Variants in MS4A4A observed in about 807,000 individuals in gnomAD.
MS4A4A encodes the protein membrane spanning 4-domains A4A.
MS4A4A carries 26 observed loss-of-function variants against 28.0 expected under a neutral mutation model. The observed-to-expected ratio is 0.93, with a 90% CI of 0.68 to 1.29. The LOEUF (loss-of-function observed/expected upper bound fraction) is 1.29, where lower values mean the gene tolerates loss of function less well. Ranked by LOEUF, MS4A4A falls within the 50% of genes most tolerant of loss-of-function variation. The pLI, the probability that MS4A4A is intolerant of heterozygous loss-of-function variation, is 0.00. For synonymous variants in MS4A4A, 86 were observed against 100.8 expected, an observed-to-expected ratio of 0.85 and a Z score of 0.88; for missense variants, 290 against 293.1, an observed-to-expected ratio of 0.99 and a Z score of 0.08.
intron 1 of MS4A4A, 99 bp downstream of exon 1, chr11:60,280,815 G>C: frequency 7.1e-7 from 1 of 1,409,396 alleles, no homozygotes; most frequent in Non-Finnish European, 9.9e-7. Flanking sequence ...GAATAATGAG[G>C]CCACTTCCCA....
intron 3 of MS4A4A, among the ~76,000 whole-genome samples, chr11:60,297,833 G>A (rs2084919727): frequency 6.6e-6 from 1 of 152,158 alleles, no homozygotes; most frequent in African/African-American, 2.4e-5. Context: ...TAGCTGGGAG[G>A]AGTCTACCCT....
intron 2 of MS4A4A, among the ~76,000 whole-genome samples, chr11:60,293,530 A>C (rs1490882822): frequency 6.6e-6 from 1 of 152,170 alleles, no homozygotes; most frequent in African/African-American, 2.4e-5. Context: ...CATCATTACT[A>C]AAAGTACACA....
intron 1 of MS4A4A, among the ~76,000 whole-genome samples, chr11:60,289,418 G>A (rs2084831339): frequency 6.6e-6 from 1 of 152,166 alleles, no homozygotes; most frequent in Non-Finnish European, 1.5e-5. Context: ...CTAACTGGGG[G>A]AAGGGGTGGT....
rs545401654 is a variant in MS4A4A at position 60,304,231 on chromosome 11, G to A, written c.546+1514G>A. ...TTCTCTTCATTGGTAGATTTTAAGG[G>A]CACAATGATAGAGACAAAATCTGGA... On this transcript the variant is annotated intron_variant, in intron 5 of 6. Transcript: ENST00000337908. Among the ~76,000 whole-genome samples the A allele has an allele frequency of 3.3e-5, 5 of 152,226 alleles. No individual in the cohort carries two copies. The East Asian group carries it at 7.7e-4, about 23-fold the overall frequency.
At chr11:60,300,116 A>G (rs1490652036) in intron 3 of MS4A4A, among the ~76,000 whole-genome samples, 1 of 152,184 alleles carries the variant, frequency 6.6e-6, no homozygotes, top group Non-Finnish European at 1.5e-5. Context: ...TTATGATATA[A>G]TCTTTGAATC....
intron 2 of MS4A4A, among the ~76,000 whole-genome samples, chr11:60,295,116 C>A (rs1375016933): frequency 3.3e-5 from 5 of 151,946 alleles, no homozygotes; most frequent in African/African-American, 1.2e-4. Flanking sequence ...TCTTCCTATC[C>A]ATGGACATGG....
intron 2 of MS4A4A, among the ~76,000 whole-genome samples, chr11:60,295,533 G>A (rs919623992): frequency 1.2e-4 from 18 of 152,086 alleles, no homozygotes; most frequent in Non-Finnish European, 2.5e-4. Flanking sequence ...AATGTTGAAA[G>A]GAGTAGTGAC....
intron 1 of MS4A4A, among the ~76,000 whole-genome samples, chr11:60,289,082 T>C (rs10750930): frequency 0.96 from 145,387 of 152,174 alleles, 69,720 homozygotes; most frequent in Non-Finnish European, 1. Flanking sequence ...TGTGGTGTAG[T>C]GGTGGTTAAG....
Position 60,302,645 on chromosome 11 carries a change from T to A in MS4A4A, c.474T>A (p.Tyr158Ter). Reference protein sequence around the residue: ...ILINTFSLAFYSFHHPYCNYY... With the variant: ...ILINTFSLAF Reference sequence around the variant, plus strand: ...TCAACACATTTAGCTTGGCGTTTTATTCATTCCATCACCCTTACTGTAACT... The same window carrying A: ...TCAACACATTTAGCTTGGCGTTTTAATCATTCCATCACCCTTACTGTAACT... The change falls in exon 5 of 7, where the codon TAT (tyrosine) becomes TAA (stop). Residue 158 changes from tyrosine to a stop codon, truncating the protein, a stop_gained. Coordinates refer to ENST00000337908, the MANE Select transcript of MS4A4A (RefSeq NM_148975.3). LOFTEE classifies it high-confidence loss of function. 1 of 1,614,092 alleles carries A rather than the reference T, an allele frequency of 6.2e-7. No individual in the cohort carries two copies. The highest frequency in any genetic ancestry group is 8.5e-7 in the Non-Finnish European group (1 of 1,179,918).
rs941038388 is a variant in MS4A4A, at chr11:60,282,807, T to C, written c.41+2091T>C. 40 of 1,125,656 alleles carry C rather than the reference T, an allele frequency of 3.6e-5. No individual in the cohort carries two copies. In the African/African-American group the frequency reaches 6.6e-4, roughly 19 times the overall value. 69.7% of individuals were successfully genotyped at this position (1,125,656 alleles called of 1,614,324 possible). A position where few individuals can be genotyped will look rare whatever the true frequency, so the allele number is the denominator to read the frequency against. ...TTATCAACATTAAAAATTTTAACTT[T>C]ATGCTAAGGGTGGTGAAATATAAAA... On this transcript the variant is annotated intron_variant, in intron 1 of 6. Transcript: ENST00000337908.
At chr11:60,286,458 T>C (rs1326176914) in intron 1 of MS4A4A, among the ~76,000 whole-genome samples, 1 of 152,228 alleles carries the variant, frequency 6.6e-6, no homozygotes, top group Non-Finnish European at 1.5e-5. Context: ...CATAAGATAT[T>C]ATAAAAGTAT....
In MS4A4A at chr11:60,308,069, T is replaced by C. The variant is rs751638114; in HGVS notation, c.649-38T>C. ...CAGGAAAGGGGCACTCTGAGGTGAT[T>C]TGGGTGACTCACCTTTGGCATTCTG... is the stretch of plus-strand genomic sequence containing the variant. On this transcript the variant is annotated intron_variant, in intron 6 of 6. Transcript: ENST00000337908. The C allele has an allele frequency of 4.4e-6, 7 of 1,597,060 alleles. No homozygotes were observed. In the African/African-American group the frequency reaches 6.7e-5, roughly 15 times the overall value.
intron 5 of MS4A4A, among the ~76,000 whole-genome samples, chr11:60,303,342 T>G (rs930104971): frequency 2.6e-5 from 4 of 152,200 alleles, no homozygotes; most frequent in Non-Finnish European, 5.9e-5. Flanking sequence ...TTTGGGCCAT[T>G]GGGTAATTGT....
At chr11:60,307,978 T>TA in intron 6 of MS4A4A, 129 bp from the exon 7 acceptor site, 1 of 828,014 alleles carries the variant, frequency 1.2e-6, no homozygotes, top group Non-Finnish European at 2.0e-6. Context: ...AAACCCCACA[T>TA]ACTTGATCTT....
intron 5 of MS4A4A, 58 bp from the exon 6 acceptor site, chr11:60,306,042 A>C (rs2084996662): frequency 7.1e-7 from 1 of 1,407,452 alleles, no homozygotes; most frequent in Admixed American, 1.8e-5. Context: ...GTTACTGGGA[A>C]ATGTTTTCAC....
intron 1 of MS4A4A, among the ~76,000 whole-genome samples, chr11:60,282,175 T>C (rs894387629): frequency 2.0e-5 from 3 of 152,170 alleles, no homozygotes; most frequent in Non-Finnish European, 4.4e-5. Context: ...TTTATTTTGA[T>C]ATAATTGCTC....
At chr11:60,306,274 G>C in intron 6 of MS4A4A, 73 bp downstream of exon 6, 1 of 1,177,054 alleles carries the variant, frequency 8.5e-7, no homozygotes, top group Non-Finnish European at 1.3e-6. Context: ...CACACACTTA[G>C]AGTCTTAACA....
intron 3 of MS4A4A, among the ~76,000 whole-genome samples, chr11:60,300,755 T>C (rs950327498): frequency 6.6e-6 from 1 of 152,120 alleles, no homozygotes; most frequent in Non-Finnish European, 1.5e-5. Flanking sequence ...TTTAGTGCCC[T>C]CAAACAGTTT....
intron 1 of MS4A4A, among the ~76,000 whole-genome samples, chr11:60,290,431 A>AT (rs910564639): frequency 2.6e-5 from 4 of 152,084 alleles, no homozygotes; most frequent in African/African-American, 9.7e-5. Context: ...TCCCACTTTC[A>AT]TAAAAAAAAT....
Sources: allele counts gnomAD v4.1 joint callset (sites outside exome capture counted in the v4.1 genomes callset), GRCh38; gene constraint gnomAD v4.1.1; transcripts MANE v1.5; gene names NCBI Gene and HGNC (gene_info 2026-07-23, HGNC 2026-07-21).